The following FANCL variants were observed in gnomAD, a reference collection of about 807,000 sequenced individuals.
FANCL encodes E3 ubiquitin-protein ligase FANCL.
Under a neutral mutation model 59.4 loss-of-function variants are expected in FANCL, and 69 were observed. That is an observed-to-expected ratio of 1.16 (90% CI 0.96 to 1.42). FANCL has a LOEUF of 1.42. Ranked by LOEUF, FANCL falls within the 40% of genes most tolerant of loss-of-function variation. The pLI is 0.00. For missense variants in FANCL, 519 were observed against 447.2 expected (o/e 1.16, Z -1.45); for synonymous variants, 180 against 147.1 (o/e 1.22, Z -1.62).
chr2:58,207,358 G>A (rs983617742), intron 5 of FANCL, among the ~76,000 whole-genome samples: 3 of 152,202 alleles, frequency 2.0e-5, no homozygotes, highest in Admixed American at 1.3e-4. Context: ...TGTCTATGAG[G>A]GACTCAAAAT....
intron 7 of FANCL, among the ~76,000 whole-genome samples, chr2:58,189,981 A>C (rs936530589): frequency 5.9e-5 from 9 of 152,016 alleles, no homozygotes; most frequent in African/African-American, 2.2e-4. Context: ...ATAAGAGAAT[A>C]TTAAGAAATA....
chr2:58,204,029 AT>A, intron 6 of FANCL, 100 bp downstream of exon 6: 2 of 900,146 alleles, frequency 2.2e-6, no homozygotes, highest in Non-Finnish European at 1.9e-6. Context: ...TGATATATGT[AT>A]TTTTAGATGT....
chr2:58,217,435 C>A (rs1691954349), intron 5 of FANCL, among the ~76,000 whole-genome samples: 1 of 149,960 alleles, frequency 6.7e-6, no homozygotes, highest in Admixed American at 6.6e-5. Context: ...TATTTTAAAA[C>A]TATGAAAGAA....
At chr2:58,202,743 C>A (rs1050823027) in intron 6 of FANCL, among the ~76,000 whole-genome samples, 1 of 151,854 alleles carries the variant, frequency 6.6e-6, no homozygotes, top group Non-Finnish European at 1.5e-5. Flanking sequence ...CAACCTCACT[C>A]TGAATACTGC....
intron 6 of FANCL, among the ~76,000 whole-genome samples, chr2:58,201,373 T>TA (rs915579684): frequency 6.0e-5 from 9 of 150,374 alleles, no homozygotes; most frequent in East Asian, 5.8e-4. Flanking sequence ...AATCAATAAC[T>TA]AAAAAAAAAG....
intron 5 of FANCL, among the ~76,000 whole-genome samples, chr2:58,208,551 C>G (rs1175102083): frequency 3.9e-5 from 6 of 151,904 alleles, no homozygotes; most frequent in Non-Finnish European, 5.9e-5. Context: ...TTATATTGAC[C>G]AAGAGTTTAA....
In FANCL at chr2:58,223,535, GT is replaced by G. The variant is rs1692689053; in HGVS notation, c.274-1494del. Among the ~76,000 whole-genome samples, 3 of 151,978 alleles carry G rather than the reference GT, an allele frequency of 2.0e-5. No homozygotes were observed. In the South Asian group the frequency reaches 6.2e-4, roughly 32 times the overall value. ...CACTCTACCTTCTATTCTGAGTCAG[GT>G]AAGTTACTCCTACTGTAGAACCGTA... is the stretch of plus-strand genomic sequence containing the variant. On this transcript the variant is annotated intron_variant, in intron 4 of 13. Coordinates refer to ENST00000233741, the MANE Select transcript of FANCL (RefSeq NM_018062.4).
At chr2:58,217,195 TATATATATATATATATATATAC>T (rs1412348524) in intron 5 of FANCL, among the ~76,000 whole-genome samples, 49 of 20,840 alleles carry the variant, frequency 2.4e-3, no homozygotes, top group South Asian at 7.8e-3. Context: ...TATATATATA[TATATATATATATATATATATAC>T]ACACACACAC....
chr2:58,174,643 G>A (rs539853095), intron 7 of FANCL, among the ~76,000 whole-genome samples: 1 of 152,266 alleles, frequency 6.6e-6, no homozygotes, highest in East Asian at 1.9e-4. Context: ...AAAGCAGTGT[G>A]TAGAGGGAAA....
At chr2:58,171,210 T>C (rs1573555167) in intron 7 of FANCL, among the ~76,000 whole-genome samples, 1 of 152,302 alleles carries the variant, frequency 6.6e-6, no homozygotes, top group Non-Finnish European at 1.5e-5. Context: ...AACTCAGGAT[T>C]AAGAAACTCA....
At chr2:58,164,174 AGC>A (rs1685625257) in intron 8 of FANCL, among the ~76,000 whole-genome samples, 1 of 152,154 alleles carries the variant, frequency 6.6e-6, no homozygotes, top group African/African-American at 2.4e-5. Context: ...ACTGGACTAC[AGC>A]GTAAGTTTCA....
rs576819503 is a variant in FANCL, at chr2:58,184,998, C to T, written c.540+13596G>A. Among the ~76,000 whole-genome samples the T allele has an allele frequency of 1.2e-4, 18 of 152,156 alleles. No homozygotes were observed. In the East Asian group the frequency reaches 1.9e-3, roughly 16 times the overall value. ...AAATCTATTTGTTGGTATGCCTTAACGTGGGGTAGGACTGCAGGAGAAAAA... is the reference window on the plus strand; with the variant it reads ...AAATCTATTTGTTGGTATGCCTTAATGTGGGGTAGGACTGCAGGAGAAAAA... On this transcript the variant is annotated intron_variant, in intron 7 of 13. Transcript: ENST00000233741.
chr2:58,182,173 AGTAACT>A (rs1289068097), intron 7 of FANCL, among the ~76,000 whole-genome samples: 6 of 151,914 alleles, frequency 3.9e-5, no homozygotes, highest in African/African-American at 1.4e-4. Context: ...AAATATTATC[AGTAACT>A]GTAACTTTTT....
chr2:58,159,680 TA>T lies in FANCL; in HGVS notation c.*84del, dbSNP rs750490307. On this transcript the variant is annotated 3_prime_UTR_variant, in exon 14 of 14. Coordinates refer to ENST00000233741, the MANE Select transcript of FANCL (RefSeq NM_018062.4). ...CTTTTGATGTTAGTATTTCTTGCTT[TA>T]TTTTTTCTCTGAAGATGATACCAAA... is the stretch of plus-strand genomic sequence containing the variant. 1 of 1,612,542 alleles carries T rather than the reference TA, an allele frequency of 6.2e-7. No homozygotes were observed. Among genetic ancestry groups the T allele is most frequent in the African/African-American group, 1.3e-5 (1 of 74,774 alleles).
intron 7 of FANCL, among the ~76,000 whole-genome samples, chr2:58,167,369 G>A (rs565782861): frequency 2.0e-5 from 3 of 152,260 alleles, no homozygotes; most frequent in South Asian, 2.1e-4. Context: ...AAACTCCCAA[G>A]AAGCTAGTTT....
intron 7 of FANCL, among the ~76,000 whole-genome samples, chr2:58,197,241 A>C (rs1689525017): frequency 6.6e-6 from 1 of 151,570 alleles, no homozygotes; most frequent in Non-Finnish European, 1.5e-5. Flanking sequence ...GGCCTTGACA[A>C]GACTATTTAA....
chr2:58,202,108 A>C (rs1690092331), intron 6 of FANCL, among the ~76,000 whole-genome samples: 1 of 151,290 alleles, frequency 6.6e-6, no homozygotes. Context: ...TTTCCCTAAA[A>C]TTTTTGTTTC....
intron 6 of FANCL, among the ~76,000 whole-genome samples, chr2:58,203,610 C>A (rs1227941377): frequency 6.6e-6 from 1 of 151,910 alleles, no homozygotes; most frequent in African/African-American, 2.4e-5. Flanking sequence ...TATAAGGGAT[C>A]TATAAATAGA....
chr2:58,222,425 C>T (rs769783363), intron 4 of FANCL, among the ~76,000 whole-genome samples: 2 of 151,874 alleles, frequency 1.3e-5, no homozygotes, highest in Admixed American at 6.6e-5. Flanking sequence ...TAAAGAAAGG[C>T]CTGAACTCTA....
Sources: allele counts gnomAD v4.1 joint callset (sites outside exome capture counted in the v4.1 genomes callset), GRCh38; gene constraint gnomAD v4.1.1; transcripts MANE v1.5; gene names NCBI Gene and HGNC (gene_info 2026-07-23, HGNC 2026-07-21).